RAD51B: variants seen among roughly 807,000 people sequenced by gnomAD.
The protein encoded by RAD51B is RAD51 paralog B, also known as DNA repair protein RAD51 homolog 2.
A neutral mutation model predicts 42.2 loss-of-function variants in RAD51B; 38 were observed. The observed-to-expected ratio is 0.90, with a 90% CI of 0.70 to 1.18. The LOEUF (loss-of-function observed/expected upper bound fraction) is 1.18. RAD51B is among the 50% of genes most tolerant of loss of function. The probability of loss-of-function intolerance (pLI) is 0.00; values close to 1 mark genes in which losing one functional copy is unlikely to be tolerated. For synonymous variants in RAD51B, 154 were observed against 145.2 expected (o/e 1.06, Z -0.43); for missense variants, 373 against 400.7 (o/e 0.93, Z 0.59).
intron 7 of RAD51B, among the ~76,000 whole-genome samples, chr14:68,232,846 CA>C (rs1332915168): frequency 5.3e-5 from 8 of 152,190 alleles, no homozygotes; most frequent in African/African-American, 1.9e-4. Flanking sequence ...CAAATCTCTC[CA>C]AGTTGATTAA....
intron 7 of RAD51B, among the ~76,000 whole-genome samples, chr14:68,139,337 C>G: frequency 6.6e-6 from 1 of 151,180 alleles, no homozygotes; most frequent in East Asian, 1.9e-4. Flanking sequence ...TACTTTGTGT[C>G]AGTCATAGAA....
At chr14:68,080,868 A>G (rs1186405108) in intron 7 of RAD51B, among the ~76,000 whole-genome samples, 1 of 152,200 alleles carries the variant, frequency 6.6e-6, no homozygotes. Context: ...TTAAATTTCA[A>G]CATAAGAAAA....
intron 7 of RAD51B, among the ~76,000 whole-genome samples, chr14:67,989,301 T>C (rs760063385): frequency 1.8e-4 from 27 of 152,316 alleles, no homozygotes; most frequent in Non-Finnish European, 3.4e-4. Context: ...AAGATATTTT[T>C]AAAATATTGT....
At chr14:68,368,102 T>C (rs538619365) in intron 8 of RAD51B, among the ~76,000 whole-genome samples, 11 of 152,302 alleles carry the variant, frequency 7.2e-5, no homozygotes, top group African/African-American at 2.6e-4. Flanking sequence ...TAGGGAAATA[T>C]TGCTAAAGCT....
chr14:67,843,664 C>T (rs1229205107), intron 4 of RAD51B, among the ~76,000 whole-genome samples: 2 of 151,432 alleles, frequency 1.3e-5, no homozygotes, highest in South Asian at 2.1e-4. Flanking sequence ...TAGTAGTTCT[C>T]TGAGGGTTTT....
chr14:68,525,156 G>C (rs58315579), intron 10 of RAD51B, among the ~76,000 whole-genome samples: 1,607 of 152,346 alleles, frequency 0.011, 22 homozygotes, highest in African/African-American at 0.035. Context: ...ATGTAAGAAA[G>C]ACTCAATGGG....
intron 7 of RAD51B, among the ~76,000 whole-genome samples, chr14:68,041,450 A>G (rs986410717): frequency 1.3e-5 from 2 of 152,140 alleles, no homozygotes; most frequent in African/African-American, 4.8e-5. Flanking sequence ...GTAGAAGATA[A>G]TATTCTCAAT....
rs183384656 is a variant in RAD51B, at chr14:67,998,305, C to T, written c.756+111101C>T. ...GTGGAAATAAAATATAAAAACTGTT[C>T]TTAGAGTTATTTTTAAACTGAACTA... On this transcript the variant is annotated intron_variant, in intron 7 of 10. Transcript: ENST00000471583. Among the ~76,000 whole-genome samples, 6 of 152,212 alleles carry T rather than the reference C, an allele frequency of 3.9e-5. No individual in the cohort carries two copies. The East Asian group carries it at 1.2e-3, about 29-fold the overall frequency.
intron 8 of RAD51B, among the ~76,000 whole-genome samples, chr14:68,375,886 G>A (rs908341240): frequency 4.6e-5 from 7 of 152,012 alleles, no homozygotes; most frequent in African/African-American, 1.2e-4. Context: ...GGTTCACTCT[G>A]GGCAGGAGAG....
chr14:68,211,561 A>T (rs907259384), intron 7 of RAD51B, among the ~76,000 whole-genome samples: 1 of 152,252 alleles, frequency 6.6e-6, no homozygotes, highest in Non-Finnish European at 1.5e-5. Flanking sequence ...AGAGTGAATT[A>T]TATTATAGAT....
intron 7 of RAD51B, among the ~76,000 whole-genome samples, chr14:68,143,398 G>C (rs1370102227): frequency 6.6e-6 from 1 of 152,212 alleles, no homozygotes; most frequent in Admixed American, 6.5e-5. Flanking sequence ...CCACACTTAT[G>C]TGCTAATCTC....
chr14:67,868,598 C>T (rs1408458984), intron 5 of RAD51B, among the ~76,000 whole-genome samples: 4 of 150,560 alleles, frequency 2.7e-5, no homozygotes, highest in Admixed American at 2.6e-4. Flanking sequence ...CTCAAGGAGG[C>T]CTGCCTGCCT....
intron 10 of RAD51B, among the ~76,000 whole-genome samples, chr14:68,557,172 A>G (rs952945559): frequency 2.0e-5 from 3 of 152,234 alleles, no homozygotes; most frequent in Non-Finnish European, 4.4e-5. Flanking sequence ...TGCACCAACT[A>G]CAGATGAATC....
chr14:68,603,268 G>A (rs1891298586), intron 10 of RAD51B, among the ~76,000 whole-genome samples: 1 of 151,956 alleles, frequency 6.6e-6, no homozygotes, highest in African/African-American at 2.4e-5. Context: ...AGGTTTTTAG[G>A]GCGTCACTTA....
intron 10 of RAD51B, among the ~76,000 whole-genome samples, chr14:68,501,498 G>A (rs1043094894): frequency 3.9e-5 from 6 of 152,186 alleles, no homozygotes; most frequent in African/African-American, 7.2e-5. Context: ...GTGCAAACTC[G>A]CTGACAGCTA....
intron 7 of RAD51B, among the ~76,000 whole-genome samples, chr14:68,124,208 C>G (rs1191926765): frequency 6.6e-6 from 1 of 152,166 alleles, no homozygotes; most frequent in Admixed American, 6.5e-5. Context: ...ATGATAGACT[C>G]ATAGTACCAT....
chr14:68,606,118 C>T (rs1377059695), intron 10 of RAD51B, among the ~76,000 whole-genome samples: 1 of 152,214 alleles, frequency 6.6e-6, no homozygotes, highest in Non-Finnish European at 1.5e-5. Context: ...GGGTGGGACT[C>T]TGGCATGAGT....
intron 7 of RAD51B, among the ~76,000 whole-genome samples, chr14:68,010,571 TA>T (rs2075668039): frequency 6.6e-6 from 1 of 151,780 alleles, no homozygotes; most frequent in African/African-American, 2.4e-5. Flanking sequence ...AATATAAAAA[TA>T]TTTCTTGTGT....
intron 7 of RAD51B, among the ~76,000 whole-genome samples, chr14:68,239,160 G>A (rs946911465): frequency 4.6e-5 from 7 of 152,164 alleles, no homozygotes; most frequent in Admixed American, 3.9e-4. Context: ...TGTTATCTGA[G>A]GAAAACGCCT....
Sources: gnomAD v4.1 joint callset for allele counts (sites outside exome capture counted in the v4.1 genomes callset) on GRCh38, gnomAD v4.1.1 for gene constraint, MANE v1.5 for transcripts, NCBI Gene and HGNC (gene_info 2026-07-23, HGNC 2026-07-21) for gene names.